Variants in CEP83 observed in about 807,000 individuals in gnomAD.
CEP83 encodes centrosomal protein of 83 kDa.
A neutral mutation model predicts 101.9 loss-of-function variants in CEP83; 70 were observed. That is an observed-to-expected ratio of 0.69 (90% CI 0.57 to 0.84). The LOEUF is 0.84. CEP83 is among the 40% of genes least tolerant of loss of function. The pLI, the probability that CEP83 is intolerant of heterozygous loss-of-function variation, is 0.00. For synonymous variants in CEP83, 264 were observed against 267.9 expected (o/e 0.99, Z 0.14); for missense variants, 715 against 787.2 (o/e 0.91, Z 1.10).
intron 6 of CEP83, among the ~76,000 whole-genome samples, chr12:94,385,048 A>G (rs574821570): frequency 4.6e-5 from 7 of 152,118 alleles, no homozygotes; most frequent in Non-Finnish European, 8.8e-5. Context: ...TGATATTGCT[A>G]TGGTAGGGGA....
chr12:94,381,106 C>A (rs1204685769), intron 6 of CEP83, among the ~76,000 whole-genome samples: 3 of 152,170 alleles, frequency 2.0e-5, no homozygotes, highest in African/African-American at 7.2e-5. Flanking sequence ...TACAACCCAG[C>A]AGATAAGCAA....
intron 14 of CEP83, among the ~76,000 whole-genome samples, chr12:94,329,244 T>C (rs1466362014): frequency 2.0e-5 from 3 of 152,236 alleles, no homozygotes; most frequent in East Asian, 3.9e-4. Flanking sequence ...TGTTACTTTG[T>C]AGTGTTTTGG....
At chr12:94,457,207 A>G (rs1333791534) in intron 1 of CEP83, among the ~76,000 whole-genome samples, 1 of 152,216 alleles carries the variant, frequency 6.6e-6, no homozygotes, top group Non-Finnish European at 1.5e-5. Context: ...ACACTTGAAA[A>G]GGCAAGGTGA....
chr12:94,306,237 A>AGAT (rs1419636529), downstream of CEP83: 2 of 151,882 alleles, frequency 1.3e-5, no homozygotes, highest in Non-Finnish European at 2.9e-5. Context: ...AAAAAAAAAA[A>AGAT]GATACATTTT....
the CEP83 span, among the ~76,000 whole-genome samples, chr12:94,265,831 T>C: frequency 6.6e-6 from 1 of 151,580 alleles, no homozygotes; most frequent in Non-Finnish European, 1.5e-5. Flanking sequence ...AGAACTTCTT[T>C]CTAATTCATC....
intron 2 of CEP83, among the ~76,000 whole-genome samples, chr12:94,431,055 A>G (rs1441982968): frequency 2.6e-5 from 4 of 152,214 alleles, no homozygotes; most frequent in Non-Finnish European, 5.9e-5. Flanking sequence ...TCAATTCAGC[A>G]AGAGGATAAC....
intron 1 of CEP83, among the ~76,000 whole-genome samples, chr12:94,441,522 A>T (rs1193917990): frequency 6.6e-6 from 1 of 152,206 alleles, no homozygotes; most frequent in Non-Finnish European, 1.5e-5. Flanking sequence ...AAAATAATAG[A>T]TGGTGACAAG....
At chr12:94,381,049 T>C (rs1275872108) in intron 6 of CEP83, among the ~76,000 whole-genome samples, 1 of 152,196 alleles carries the variant, frequency 6.6e-6, no homozygotes, top group Non-Finnish European at 1.5e-5. Context: ...CAACAAATAT[T>C]TACTGAGTAC....
chr12:94,323,334 A>G (rs1452685906), intron 14 of CEP83, among the ~76,000 whole-genome samples: 1 of 152,060 alleles, frequency 6.6e-6, no homozygotes, highest in East Asian at 1.9e-4. Flanking sequence ...ATTCTGTGTA[A>G]CAGGCTGCAG....
chr12:94,356,202 G>C (rs1268143865), intron 11 of CEP83, among the ~76,000 whole-genome samples: 1 of 152,214 alleles, frequency 6.6e-6, no homozygotes, highest in African/African-American at 2.4e-5. Flanking sequence ...AAGAAGGGGA[G>C]CTCTGAAGCA....
intron 11 of CEP83, among the ~76,000 whole-genome samples, chr12:94,352,043 A>G (rs1191312788): frequency 6.6e-6 from 1 of 152,254 alleles, no homozygotes; most frequent in African/African-American, 2.4e-5. Context: ...TATACAGGAA[A>G]AAGTCCTTCT....
At chr12:94,380,291 C>T (rs750884171) in intron 6 of CEP83, among the ~76,000 whole-genome samples, 1 of 152,086 alleles carries the variant, frequency 6.6e-6, no homozygotes, top group Non-Finnish European at 1.5e-5. Context: ...AGTTTTAACA[C>T]ATAGTGATTC....
At chr12:94,405,290 G>A (rs1052523405) in intron 4 of CEP83, among the ~76,000 whole-genome samples, 5 of 152,312 alleles carry the variant, frequency 3.3e-5, no homozygotes, top group African/African-American at 1.2e-4. Context: ...TAATGAATAA[G>A]TATTTTAAAT....
intron 8 of CEP83, among the ~76,000 whole-genome samples, chr12:94,371,582 A>T (rs2061312525): frequency 6.6e-6 from 1 of 152,240 alleles, no homozygotes; most frequent in African/African-American, 2.4e-5. Context: ...ATGGAATCAG[A>T]GTAGGAAACT....
At chr12:94,400,015 C>A (rs932383950) in intron 6 of CEP83, among the ~76,000 whole-genome samples, 1 of 151,944 alleles carries the variant, frequency 6.6e-6, no homozygotes, top group South Asian at 2.1e-4. Flanking sequence ...TTATTAGATG[C>A]CTAGAACACT....
intron 14 of CEP83, among the ~76,000 whole-genome samples, chr12:94,323,093 T>C (rs2058816681): frequency 6.6e-6 from 1 of 152,210 alleles, no homozygotes; most frequent in African/African-American, 2.4e-5. Context: ...TACCAGTGGC[T>C]GGCTAGAGTT....
intron 6 of CEP83, among the ~76,000 whole-genome samples, chr12:94,392,911 C>T (rs1294645074): frequency 6.6e-6 from 1 of 152,120 alleles, no homozygotes; most frequent in African/African-American, 2.4e-5. Context: ...ATACACCCTC[C>T]CAAGACTAAA....
At chr12:94,281,004 C>T in the CEP83 span, among the ~76,000 whole-genome samples, 6 of 152,320 alleles carry the variant, frequency 3.9e-5, no homozygotes, top group East Asian at 9.7e-4. Context: ...CCAGGCTGGA[C>T]GTGGTGGCTC....
chr12:94,422,568 A>G (rs1463024935), intron 2 of CEP83, among the ~76,000 whole-genome samples: 1 of 152,224 alleles, frequency 6.6e-6, no homozygotes, highest in Non-Finnish European at 1.5e-5. Context: ...AATTTCATCA[A>G]GATATAAAAC....
Sources: gnomAD v4.1 joint callset for allele counts (sites outside exome capture counted in the v4.1 genomes callset) on GRCh38, gnomAD v4.1.1 for gene constraint, MANE v1.5 for transcripts, NCBI Gene and HGNC (gene_info 2026-07-23, HGNC 2026-07-21) for gene names.